CCDC146: variants seen among roughly 807,000 people sequenced by gnomAD.
CCDC146 encodes the protein coiled-coil domain-containing protein 146.
CCDC146 carries 92 observed loss-of-function variants against 119.3 expected under a neutral mutation model. That is an observed-to-expected ratio of 0.77 (90% CI 0.65 to 0.92). The LOEUF (loss-of-function observed/expected upper bound fraction) is 0.92. Ranked by LOEUF, CCDC146 falls within the 40% of genes least tolerant of loss-of-function variation. The pLI is 0.00. For synonymous variants in CCDC146, 372 were observed against 371.8 expected, an observed-to-expected ratio of 1.00 and a Z score of -0.01; for missense variants, 1,000 against 1,103.0, an observed-to-expected ratio of 0.91 and a Z score of 1.32.
In CCDC146 at chr7:77,236,923, GTGACCTTA is replaced by G; in HGVS notation, c.157-21_157-14del. 6.4e-7 allele frequency: 1 copy of G among 1,570,404 alleles called. No homozygotes were observed. Among genetic ancestry groups the G allele is most frequent in the African/African-American group, 1.3e-5 (1 of 74,154 alleles). ...AGCCTAAAGAGAATGGTGATTAACAGTGACCTTATGTTCTCTTTGCTAGTTACATGCTA... is the reference window on the plus strand; with the variant it reads ...AGCCTAAAGAGAATGGTGATTAACAGTGTTCTCTTTGCTAGTTACATGCTA... On this transcript the variant is annotated splice_polypyrimidine_tract_variant and intron_variant, in intron 2 of 18. Transcript: ENST00000285871.
intron 15 of CCDC146, among the ~76,000 whole-genome samples, chr7:77,286,221 G>A (rs1032796646): frequency 2.6e-5 from 4 of 152,140 alleles, no homozygotes; most frequent in Admixed American, 6.5e-5. Context: ...ATTGCATGGC[G>A]AGAGAGGAAG....
At chr7:77,219,224 CTG>C (rs753283616) in intron 2 of CCDC146, among the ~76,000 whole-genome samples, 1 of 152,134 alleles carries the variant, frequency 6.6e-6, no homozygotes, top group Non-Finnish European at 1.5e-5. Flanking sequence ...CTAGAAACAG[CTG>C]TGTTTGGTGA....
intron 9 of CCDC146, among the ~76,000 whole-genome samples, chr7:77,264,007 C>T (rs1003606705): frequency 1.3e-5 from 2 of 152,074 alleles, no homozygotes; most frequent in African/African-American, 2.4e-5. Context: ...CATGTATGTT[C>T]TACTATATAT....
chr7:77,226,286 G>T (rs1379006822), intron 2 of CCDC146, among the ~76,000 whole-genome samples: 1 of 152,198 alleles, frequency 6.6e-6, no homozygotes, highest in Non-Finnish European at 1.5e-5. Context: ...TCCAAAGCAT[G>T]CCAGCCATTC....
chr7:77,180,043 TTG>T (rs1356885031), intron 2 of CCDC146, among the ~76,000 whole-genome samples: 1 of 151,990 alleles, frequency 6.6e-6, no homozygotes, highest in African/African-American at 2.4e-5. Context: ...TAATAATTCA[TTG>T]TGTGTGTATA....
chr7:77,233,194 T>C (rs574974835), intron 2 of CCDC146, among the ~76,000 whole-genome samples: 1 of 151,998 alleles, frequency 6.6e-6, no homozygotes, highest in East Asian at 1.9e-4. Flanking sequence ...GTTCAAGCGA[T>C]TCTCCTGCCT....
chr7:77,157,594 T>C (rs1185882207), intron 1 of CCDC146, among the ~76,000 whole-genome samples: 2 of 152,220 alleles, frequency 1.3e-5, no homozygotes, highest in Non-Finnish European at 2.9e-5. Context: ...TTGTGAAGCT[T>C]CCTATTTTGG....
At chr7:77,203,357 G>A (rs9641172) in intron 2 of CCDC146, among the ~76,000 whole-genome samples, 3,583 of 151,602 alleles carry the variant, frequency 0.024, 128 homozygotes, top group East Asian at 0.14. Flanking sequence ...CAGTACACTG[G>A]GTTTTAAGCA....
intron 1 of CCDC146, among the ~76,000 whole-genome samples, chr7:77,157,854 A>G (rs1167055228): frequency 6.6e-6 from 1 of 151,990 alleles, no homozygotes; most frequent in Non-Finnish European, 1.5e-5. Flanking sequence ...TTTTTGATTA[A>G]CTTGTCTTGC....
rs868228564 is a variant in CCDC146, at chr7:77,203,038, C to A, written c.157-33909C>A. On this transcript the variant is annotated intron_variant, in intron 2 of 18. Transcript: ENST00000285871. ...AAGGAAAATAAAATACTTGCCCCCC[C>A]CCCCCCCAGGACTATTTTAGGAATG... Among the ~76,000 whole-genome samples, 214 of 144,758 alleles carry A rather than the reference C, an allele frequency of 1.5e-3. 4 individuals carry two copies. The highest frequency in any genetic ancestry group is 4.9e-3 in the African/African-American group (195 of 40,024). The allele number at this position is 144,758 out of a possible 152,430, so 95.0% of individuals were successfully genotyped here.
chr7:77,185,332 A>G (rs1791650630), intron 2 of CCDC146, among the ~76,000 whole-genome samples: 1 of 152,218 alleles, frequency 6.6e-6, no homozygotes, highest in Non-Finnish European at 1.5e-5. Flanking sequence ...ACAGAAATAT[A>G]AGCAAATAAT....
intron 2 of CCDC146, among the ~76,000 whole-genome samples, chr7:77,182,547 A>G (rs1791605665): frequency 1.3e-5 from 2 of 152,110 alleles, no homozygotes; most frequent in African/African-American, 4.8e-5. Flanking sequence ...CCAGGCAGGT[A>G]GATGGCTTGA....
intron 11 of CCDC146, among the ~76,000 whole-genome samples, chr7:77,278,435 A>ATT (rs140968354): frequency 0.087 from 8,853 of 102,044 alleles, 591 homozygotes; most frequent in African/African-American, 0.23. Flanking sequence ...CCAAGAAATA[A>ATT]TTTTTTTTTT....
At chr7:77,229,949 CTCACACTAGTTG>C (rs2150474212) in intron 2 of CCDC146, among the ~76,000 whole-genome samples, 1 of 152,312 alleles carries the variant, frequency 6.6e-6, no homozygotes, top group East Asian at 1.9e-4. Flanking sequence ...AGTCATTCCC[CTCACACTAGTTG>C]TCTTATGTGT....
intron 11 of CCDC146, among the ~76,000 whole-genome samples, chr7:77,277,047 G>C (rs1234247016): frequency 2.0e-5 from 3 of 152,112 alleles, no homozygotes; most frequent in Non-Finnish European, 4.4e-5. Flanking sequence ...ACTCCAGCCT[G>C]GGTGACAGAG....
At position 77,196,549 on chromosome 7, in the gene CCDC146, G is replaced by T; in HGVS notation, c.156+28725G>T. The T allele has an allele frequency of 2.5e-6, 4 of 1,614,138 alleles. No homozygotes were observed. Among genetic ancestry groups the T allele is most frequent in the Non-Finnish European group, 3.4e-6 (4 of 1,180,012 alleles). On this transcript the variant is annotated intron_variant, in intron 2 of 18. Transcript: ENST00000285871. The surrounding 1 kb of genome is among the most constrained non-coding windows in gnomAD (Gnocchi z 4.2). ...GAGTGGTGAAAAACTTCAGATCGTG[G>T]TTGTAATGTTTGTTGAAACGTAATG...
chr7:77,201,757 G>A (rs1351069844), intron 2 of CCDC146, among the ~76,000 whole-genome samples: 2 of 151,636 alleles, frequency 1.3e-5, no homozygotes, highest in Admixed American at 1.3e-4. Context: ...TCCAATTTTA[G>A]ACAAAAACTT....
chr7:77,240,358 C>T (rs1792819951), intron 3 of CCDC146, among the ~76,000 whole-genome samples: 1 of 152,214 alleles, frequency 6.6e-6, no homozygotes, highest in Admixed American at 6.5e-5. Flanking sequence ...GGAGCTAAGC[C>T]TTATTCACCT....
chr7:77,189,176 C>A (rs1397722319), intron 2 of CCDC146, among the ~76,000 whole-genome samples: 1 of 152,016 alleles, frequency 6.6e-6, no homozygotes. Context: ...AGCCTCCCAC[C>A]CCACTCCATT....
Sources: gnomAD v4.1 joint callset for allele counts (sites outside exome capture counted in the v4.1 genomes callset) on GRCh38, gnomAD v4.1.1 for gene constraint, Gnocchi (gnomAD v3.1) non-coding constraint, MANE v1.5 for transcripts, NCBI Gene and HGNC (gene_info 2026-07-23, HGNC 2026-07-21) for gene names.